GRM7: variants seen among roughly 807,000 people sequenced by gnomAD.
The protein encoded by GRM7 is metabotropic glutamate receptor 7.
In GRM7, 35 loss-of-function variants were observed where a neutral mutation model predicts 84.5. The observed-to-expected ratio is 0.41, with a 90% confidence interval of 0.32 to 0.55. GRM7 has a LOEUF of 0.55. Among genes scored for constraint, GRM7 ranks in the 20% least tolerant of loss-of-function variants. The pLI, the probability that GRM7 is intolerant of heterozygous loss-of-function variation, is 0.19. For missense variants in GRM7, 1,003 were observed against 1,194.6 expected, an observed-to-expected ratio of 0.84 and a Z score of 2.36; for synonymous variants, 487 against 455.1, an observed-to-expected ratio of 1.07 and a Z score of -0.89.
At chr3:7,084,308 C>G (rs372840303) in intron 1 of GRM7, among the ~76,000 whole-genome samples, 1 of 152,072 alleles carries the variant, frequency 6.6e-6, no homozygotes, top group East Asian at 1.9e-4. Flanking sequence ...GGGCTCTATC[C>G]TAGACCTTCT....
intron 7 of GRM7, among the ~76,000 whole-genome samples, chr3:7,553,036 G>T (rs531627257): frequency 1.1e-3 from 172 of 152,246 alleles, no homozygotes; most frequent in African/African-American, 4.1e-3. Flanking sequence ...TCTCTTGAAT[G>T]CATAGAACCA....
intron 2 of GRM7, among the ~76,000 whole-genome samples, chr3:7,263,352 C>T (rs1390205022): frequency 1.3e-5 from 2 of 152,130 alleles, no homozygotes; most frequent in East Asian, 1.9e-4. Flanking sequence ...ATGGGTGGTG[C>T]CAGACAAAGC....
intron 8 of GRM7, among the ~76,000 whole-genome samples, chr3:7,601,034 C>A (rs546729750): frequency 6.6e-6 from 1 of 152,106 alleles, no homozygotes; most frequent in African/African-American, 2.4e-5. Context: ...GCCATGGAGT[C>A]TTTGCACATG....
chr3:7,035,196 T>G (rs1696341710), intron 1 of GRM7, among the ~76,000 whole-genome samples: 1 of 152,148 alleles, frequency 6.6e-6, no homozygotes, highest in Admixed American at 6.6e-5. Context: ...CTCTGTGAAA[T>G]CAGAGATGTG....
At chr3:7,425,407 G>T (rs1696566581) in intron 5 of GRM7, among the ~76,000 whole-genome samples, 1 of 152,164 alleles carries the variant, frequency 6.6e-6, no homozygotes, top group African/African-American at 2.4e-5. Context: ...AGAGGGAATT[G>T]TAGCCCTGAC....
chr3:7,353,422 T>C (rs1244212828), intron 4 of GRM7, among the ~76,000 whole-genome samples: 1 of 152,082 alleles, frequency 6.6e-6, no homozygotes, highest in Non-Finnish European at 1.5e-5. Context: ...TGGATCAGTG[T>C]TGCAGCCGGG....
chr3:7,294,880 T>A (rs1324610891), intron 2 of GRM7, among the ~76,000 whole-genome samples: 1 of 152,244 alleles, frequency 6.6e-6, no homozygotes, highest in Admixed American at 6.5e-5. Context: ...GTGTGTTTAT[T>A]GCTGAGTTTA....
intron 1 of GRM7, among the ~76,000 whole-genome samples, chr3:7,113,185 GA>G (rs952689627): frequency 2.6e-5 from 4 of 151,800 alleles, no homozygotes; most frequent in Non-Finnish European, 5.9e-5. Context: ...CAAAATACGT[GA>G]AAAAAATTAA....
At chr3:7,447,698 A>G (rs1001385506) in intron 5 of GRM7, among the ~76,000 whole-genome samples, 2 of 151,628 alleles carry the variant, frequency 1.3e-5, no homozygotes, top group Non-Finnish European at 2.9e-5. Context: ...AAGAATAAAT[A>G]AACTTTCTCA....
At chr3:7,107,360 G>A (rs868454981) in intron 1 of GRM7, among the ~76,000 whole-genome samples, 1 of 152,116 alleles carries the variant, frequency 6.6e-6, no homozygotes. Context: ...AGTCTAGACT[G>A]GTTTTCTCAA....
intron 7 of GRM7, among the ~76,000 whole-genome samples, chr3:7,485,834 G>A (rs1351160217): frequency 1.3e-5 from 2 of 152,158 alleles, no homozygotes; most frequent in African/African-American, 4.8e-5. Context: ...TAATGGCATG[G>A]ATTAATAATT....
intron 1 of GRM7, among the ~76,000 whole-genome samples, chr3:6,973,368 A>T (rs1420902932): frequency 1.3e-5 from 2 of 152,198 alleles, no homozygotes; most frequent in Non-Finnish European, 2.9e-5. Context: ...TAGTGAAATA[A>T]TTGGCATCCC....
chr3:7,048,100 A>G (rs923549169), intron 1 of GRM7, among the ~76,000 whole-genome samples: 3 of 151,972 alleles, frequency 2.0e-5, no homozygotes, highest in Admixed American at 2.0e-4. Flanking sequence ...TTTTTAGAAT[A>G]TTACAGTTCT....
intron 1 of GRM7, among the ~76,000 whole-genome samples, chr3:7,029,678 A>G (rs1696120746): frequency 6.6e-6 from 1 of 152,150 alleles, no homozygotes; most frequent in Non-Finnish European, 1.5e-5. Context: ...CAGAAAGTTG[A>G]ATGATGGTTG....
chr3:7,412,786 A>G (rs1436955057), intron 4 of GRM7, among the ~76,000 whole-genome samples: 1 of 151,702 alleles, frequency 6.6e-6, no homozygotes. Context: ...TAAAAATACC[A>G]TCTGCCCCTT....
Position 7,636,546 on chromosome 3 carries a change from T to C in GRM7, c.2452-43503T>C, listed in dbSNP as rs185790129. On this transcript the variant is annotated intron_variant, in intron 8 of 9. Transcript: ENST00000357716. ...TACATAAGGAAAGTGACTTGGGAGA[T>C]AGACCATGCAGGTTCCTATAAATCT... The C allele has an allele frequency of 1.2e-4, 24 of 198,204 alleles. No individual in the cohort carries two copies. The East Asian group carries it at 2.7e-3, about 23-fold the overall frequency. 12.3% of individuals were successfully genotyped at this position (198,204 alleles called of 1,614,324 possible). A position where few individuals can be genotyped will look rare whatever the true frequency, so the allele number is the denominator to read the frequency against.
At chr3:7,270,237 G>A (rs1698803510) in intron 2 of GRM7, among the ~76,000 whole-genome samples, 1 of 127,262 alleles carries the variant, frequency 7.9e-6, no homozygotes, top group African/African-American at 2.9e-5. Flanking sequence ...TATCACACCA[G>A]GGACCTCTGA....
chr3:6,960,394 C>T (rs766689140), intron 1 of GRM7, among the ~76,000 whole-genome samples: 5 of 152,128 alleles, frequency 3.3e-5, no homozygotes, highest in Non-Finnish European at 5.9e-5. Flanking sequence ...CACCAACCCC[C>T]AACCCAATCC....
At chr3:7,198,561 C>T (rs1695957932) in intron 2 of GRM7, among the ~76,000 whole-genome samples, 1 of 152,134 alleles carries the variant, frequency 6.6e-6, no homozygotes, top group Non-Finnish European at 1.5e-5. Context: ...ATTTACTAAA[C>T]CTTACCTACT....
Sources: gnomAD v4.1 joint callset for allele counts (sites outside exome capture counted in the v4.1 genomes callset) on GRCh38, gnomAD v4.1.1 for gene constraint, MANE v1.5 for transcripts, NCBI Gene and HGNC (gene_info 2026-07-23, HGNC 2026-07-21) for gene names.